DOCK2: variants seen among roughly 807,000 people sequenced by gnomAD.
The protein encoded by DOCK2 is dedicator of cytokinesis 2.
In DOCK2, 87 loss-of-function variants were observed where a neutral mutation model predicts 248.9. That is an observed-to-expected ratio of 0.35 (90% CI 0.29 to 0.42). DOCK2 has a LOEUF of 0.42. Ranked by LOEUF, DOCK2 falls within the 10% of genes least tolerant of loss-of-function variation. The pLI, the probability that DOCK2 is intolerant of heterozygous loss-of-function variation, is 1.00. For synonymous variants in DOCK2, 805 were observed against 821.6 expected, an observed-to-expected ratio of 0.98 and a Z score of 0.35; for missense variants, 1,747 against 2,300.2, an observed-to-expected ratio of 0.76 and a Z score of 4.92.
At chr5:169,984,493 G>A (rs1209707687) in intron 28 of DOCK2, among the ~76,000 whole-genome samples, 3 of 152,118 alleles carry the variant, frequency 2.0e-5, no homozygotes, top group Non-Finnish European at 4.4e-5. Context: ...TTCTGCTGAC[G>A]TGGAAACTAG....
In DOCK2 at chr5:170,018,960, G is replaced by C; in HGVS notation, c.3233G>C (p.Gly1078Ala). Residue 1078 changes from glycine to alanine, a missense_variant and splice_region_variant, in exon 33 of 52, where the codon GGT becomes GCT. Gly to Ala is a moderately conservative substitution (Grantham distance 60). Around this residue, in one of 4 missense-constraint regions of DOCK2, gnomAD observed 858 missense variants for 1,183.5 expected, o/e 0.72. Transcript: ENST00000520908. ...TGTTCATGTTCCTCTTCTCTTTCAG[G>C]TCAGAACAAAATCTGCTTCATCCCA... is the stretch of plus-strand genomic sequence containing the variant. ...FSIRDMWYKL[G>A]QNKICFIPGM... 6.2e-7 allele frequency: 1 copy of C among 1,613,670 alleles called. No individual in the cohort carries two copies. Among genetic ancestry groups the C allele is most frequent in the South Asian group, 1.1e-5 (1 of 91,054 alleles).
At chr5:169,783,777 T>C (rs1212550582) in intron 25 of DOCK2, among the ~76,000 whole-genome samples, 2 of 152,246 alleles carry the variant, frequency 1.3e-5, no homozygotes, top group African/African-American at 4.8e-5. Context: ...ACAAAGTAGG[T>C]TGTTATCACT....
chr5:169,785,372 G>C (rs903570710), intron 25 of DOCK2, among the ~76,000 whole-genome samples: 8 of 152,116 alleles, frequency 5.3e-5, no homozygotes, highest in Admixed American at 5.2e-4. Context: ...TCTTCCATCA[G>C]AGAGTGTGAA....
intron 33 of DOCK2, among the ~76,000 whole-genome samples, chr5:170,022,028 G>A (rs573435266): frequency 2.6e-5 from 4 of 152,316 alleles, no homozygotes; most frequent in African/African-American, 9.6e-5. Context: ...TTGCTTAAGG[G>A]AAATAGCAGA....
At chr5:169,916,553 T>G (rs1330766530) in intron 27 of DOCK2, among the ~76,000 whole-genome samples, 1 of 152,186 alleles carries the variant, frequency 6.6e-6, no homozygotes, top group Non-Finnish European at 1.5e-5. Context: ...GTGCCTCCCT[T>G]ATTTATAAAG....
At chr5:169,830,591 G>A (rs939480016) in intron 26 of DOCK2, among the ~76,000 whole-genome samples, 3 of 152,088 alleles carry the variant, frequency 2.0e-5, no homozygotes, top group Non-Finnish European at 2.9e-5. Context: ...TTTATTCATT[G>A]GCATTAAGAT....
At chr5:169,792,981 A>C (rs575383043) in intron 25 of DOCK2, among the ~76,000 whole-genome samples, 1 of 152,264 alleles carries the variant, frequency 6.6e-6, no homozygotes, top group African/African-American at 2.4e-5. Context: ...TGGGGTAACT[A>C]AGGGTGCAAG....
intron 25 of DOCK2, among the ~76,000 whole-genome samples, chr5:169,776,773 G>C (rs776493402): frequency 1.3e-5 from 2 of 152,144 alleles, no homozygotes; most frequent in Non-Finnish European, 2.9e-5. Context: ...TGCTCGCCAC[G>C]CATTCTCACT....
rs79946917 is a variant in DOCK2, at chr5:169,749,060, A to G, written c.2376+1556A>G. The stretch of plus-strand genomic sequence containing the variant: ...GAGTCCTTGTGTGGGATTTGCTGAC[A>G]TCACATGGGCTTCACCCCTCTGCCC... On this transcript the variant is annotated intron_variant, in intron 23 of 51. Coordinates refer to ENST00000520908, the MANE Select transcript of DOCK2 (RefSeq NM_004946.3). Among the ~76,000 whole-genome samples, 446 of 152,400 alleles carry G rather than the reference A, an allele frequency of 2.9e-3. 19 individuals carry two copies. In the East Asian group the frequency reaches 0.07, roughly 24 times the overall value.
At chr5:169,814,198 G>A (rs1767926870) in intron 26 of DOCK2, among the ~76,000 whole-genome samples, 1 of 152,152 alleles carries the variant, frequency 6.6e-6, no homozygotes, top group African/African-American at 2.4e-5. Context: ...AACCAAATGA[G>A]CAAAGGGAAA....
intron 34 of DOCK2, among the ~76,000 whole-genome samples, chr5:170,033,273 C>G (rs11134603): frequency 0.24 from 36,876 of 152,146 alleles, 4,940 homozygotes; most frequent in East Asian, 0.49. Context: ...ATGTCTTTCT[C>G]TCTACCACAC....
intron 30 of DOCK2, 130 bp downstream of exon 30, chr5:169,996,294 G>A (rs879015727): frequency 1.4e-5 from 13 of 908,140 alleles, no homozygotes; most frequent in South Asian, 1.8e-5. Flanking sequence ...ATTCCCACGG[G>A]GGGTTATGGC....
At chr5:169,747,999 A>G (rs769148151) in intron 23 of DOCK2, among the ~76,000 whole-genome samples, 2 of 152,206 alleles carry the variant, frequency 1.3e-5, no homozygotes, top group African/African-American at 2.4e-5. Flanking sequence ...TTGAGCAGCT[A>G]AGAGTCTGAA....
intron 22 of DOCK2, among the ~76,000 whole-genome samples, chr5:169,737,253 G>T (rs1763085807): frequency 6.6e-6 from 1 of 152,106 alleles, no homozygotes; most frequent in Non-Finnish European, 1.5e-5. Context: ...GAGGGAGTTT[G>T]ACCCAAAGGA....
chr5:169,701,094 G>A (rs1187486374), intron 13 of DOCK2, among the ~76,000 whole-genome samples: 1 of 152,174 alleles, frequency 6.6e-6, no homozygotes, highest in African/African-American at 2.4e-5. Flanking sequence ...TCAGCCTTAT[G>A]AGGGCTATAA....
At chr5:169,977,117 A>G (rs1777743474) in intron 27 of DOCK2, among the ~76,000 whole-genome samples, 1 of 152,242 alleles carries the variant, frequency 6.6e-6, no homozygotes, top group Non-Finnish European at 1.5e-5. Context: ...GCTTCTGAAC[A>G]ATTTGGACAC....
chr5:169,761,533 A>C lies in DOCK2; in HGVS notation c.2462A>C (p.Glu821Ala), dbSNP rs768962752. ...CCTGCCCTCAGCCAACTCCTGTATG[A>C]GTTCTACACCTGCATCCCTCCTGTG... ...DAKLLSQLLY[E>A]FYTCIPPVKL... The change falls in exon 25 of 52, where the codon GAG (glutamate) becomes GCG (alanine). Residue 821 changes from glutamate to alanine, a missense_variant. Transcript: ENST00000520908. 1 of 1,614,042 alleles carries C rather than the reference A, an allele frequency of 6.2e-7. No homozygotes were observed. The highest frequency in any genetic ancestry group is 1.1e-5 in the South Asian group (1 of 91,072).
intron 33 of DOCK2, among the ~76,000 whole-genome samples, chr5:170,019,440 C>G (rs111821237): frequency 1.1e-3 from 161 of 152,292 alleles, no homozygotes; most frequent in African/African-American, 3.7e-3. Context: ...CACTCTCTCA[C>G]CCACTCTTGT....
At chr5:169,816,790 G>A (rs993333891) in intron 26 of DOCK2, among the ~76,000 whole-genome samples, 6 of 152,100 alleles carry the variant, frequency 3.9e-5, no homozygotes, top group African/African-American at 1.4e-4. Context: ...CATGGAAAAT[G>A]GGGTATCCAT....
Sources: allele counts gnomAD v4.1 joint callset (sites outside exome capture counted in the v4.1 genomes callset), GRCh38; gene constraint gnomAD v4.1.1; regional missense constraint gnomAD v4.1.1; transcripts MANE v1.5; gene names NCBI Gene and HGNC (gene_info 2026-07-23, HGNC 2026-07-21).